Variants in CLSTN1 observed in about 807,000 individuals in gnomAD.
The protein encoded by CLSTN1 is calsyntenin-1.
Under a neutral mutation model 108.3 loss-of-function variants are expected in CLSTN1, and 28 were observed. That is an observed-to-expected ratio of 0.26 (90% confidence interval 0.19 to 0.35). CLSTN1 has a LOEUF of 0.35. Among genes scored for constraint, CLSTN1 ranks in the 10% least tolerant of loss-of-function variants. The probability of loss-of-function intolerance (pLI) is 1.00; values close to 1 mark genes in which losing one functional copy is unlikely to be tolerated. For synonymous variants in CLSTN1, 524 were observed against 534.9 expected, an observed-to-expected ratio of 0.98 and a Z score of 0.28; for missense variants, 1,157 against 1,302.6, an observed-to-expected ratio of 0.89 and a Z score of 1.72.
At chr1:9,736,802 G>A (rs1311916907) in intron 11 of CLSTN1, among the ~76,000 whole-genome samples, 1 of 152,146 alleles carries the variant, frequency 6.6e-6, no homozygotes, top group Non-Finnish European at 1.5e-5. Context: ...TGCCAGGCAT[G>A]GTGGCTCACG....
chr1:9,733,369 T>C (rs1184974055), intron 16 of CLSTN1, 32 bp downstream of exon 16: 5 of 1,612,986 alleles, frequency 3.1e-6, no homozygotes, highest in African/African-American at 2.7e-5. Context: ...ACTGCTGCTA[T>C]TGGCCCTGCT....
At chr1:9,753,841 C>A (rs555041485) in intron 4 of CLSTN1, among the ~76,000 whole-genome samples, 13 of 151,350 alleles carry the variant, frequency 8.6e-5, no homozygotes, top group African/African-American at 2.9e-4. Flanking sequence ...GGGACAGGGT[C>A]TCATTCTGAC....
Position 9,735,034 on chromosome 1 carries a change from C to G in CLSTN1, c.2024G>C (p.Gly675Ala). The change falls in exon 14 of 19, where the codon GGG becomes GCG. Residue 675 changes from glycine (G) to alanine (A), a missense_variant. Physicochemically the swap from Gly to Ala is moderately conservative, Grantham distance 60. Coordinates refer to ENST00000377298, the MANE Select transcript of CLSTN1 (RefSeq NM_001009566.3). Reference sequence around the variant, plus strand: ...GCGAAGCTCAGGGAAAAGGAACACCCCTTCTGAGCTTTCAAATTCAGAAGC... The same window carrying G: ...GCGAAGCTCAGGGAAAAGGAACACCGCTTCTGAGCTTTCAAATTCAGAAGC... ...RAASEFESSEGVFLFPELRII... is the reference protein window; with the variant it reads ...RAASEFESSEAVFLFPELRII... The G allele has an allele frequency of 6.2e-7, 1 of 1,614,228 alleles. No individual in the cohort carries two copies. The highest frequency in any genetic ancestry group is 8.5e-7 in the Non-Finnish European group (1 of 1,180,036).
intron 10 of CLSTN1, among the ~76,000 whole-genome samples, chr1:9,738,447 C>A (rs1336316751): frequency 1.3e-5 from 2 of 152,152 alleles, no homozygotes; most frequent in Non-Finnish European, 2.9e-5. Context: ...AGAGGTGTAT[C>A]CAGGTGAAGC....
chr1:9,755,229 C>T lies in CLSTN1; in HGVS notation c.325G>A (p.Val109Ile), dbSNP rs150592481. The change falls in exon 4 of 19, where the codon GTC becomes ATC. Residue 109 changes from valine to isoleucine, a missense_variant. By Grantham distance (29) the Val-to-Ile change is conservative (BLOSUM62 3). Coordinates refer to ENST00000377298, the MANE Select transcript of CLSTN1 (RefSeq NM_001009566.3). ...TCCAGTTTCTCTTTGGAGCGAATGA[C>T]TCCCTCACCAGTGGATTTATCCACT... is the stretch of plus-strand genomic sequence containing the variant. ...VVVDKSTGEG[V>I]IRSKEKLDCE... 326 of 1,614,134 alleles carry T rather than the reference C, an allele frequency of 2.0e-4. 1 individual carries two copies. The African/African-American group carries it at 3.9e-3, about 19-fold the overall frequency.
chr1:9,786,660 A>C (rs916226617), intron 1 of CLSTN1, among the ~76,000 whole-genome samples: 4 of 150,012 alleles, frequency 2.7e-5, no homozygotes, highest in African/African-American at 9.7e-5. Flanking sequence ...AAAAAAAAAA[A>C]AAAAAAAAAA....
At position 9,735,147 on chromosome 1, in the gene CLSTN1, C is replaced by A; in HGVS notation, c.1911G>T (p.Ser637=). Residue 637 remains serine (S), a synonymous_variant, in exon 14 of 19, where the codon TCG becomes TCT. Transcript: ENST00000377298. ...TCACGTAGCCATCTACCGGGGGGAC[C>A]GAAATGCAGGTGGCCTCGTTAAAAC... ...IKCFNEATCI[S]VPPVDGYVMV... 1 of 1,614,128 alleles carries A rather than the reference C, an allele frequency of 6.2e-7. No homozygotes were observed. Among genetic ancestry groups the A allele is most frequent in the Non-Finnish European group, 8.5e-7 (1 of 1,180,038 alleles).
chr1:9,730,616 G>A lies in CLSTN1; in HGVS notation c.2838C>T (p.Thr946=), dbSNP rs962728254. The change falls in exon 19 of 19, where the codon ACC becomes ACT. Residue 946 remains threonine, a synonymous_variant. Coordinates refer to ENST00000377298, the MANE Select transcript of CLSTN1 (RefSeq NM_001009566.3). This position sits in a 1 kb window ranked among gnomAD's most constrained non-coding sequence, Gnocchi z 5.6. ...CCTCGCTGCTCTCCGACTCGGCGCT[G>A]GTGATGTCATCCTCTTCTTCGCCGT... ...SEDGEEEDDI[T]SAESESSEEE... 6.2e-7 allele frequency: 1 copy of A among 1,610,452 alleles called. No homozygotes were observed. Among genetic ancestry groups the A allele is most frequent in the Non-Finnish European group, 8.5e-7 (1 of 1,179,874 alleles).
At chr1:9,775,625 T>C (rs1652903036) in intron 1 of CLSTN1, among the ~76,000 whole-genome samples, 1 of 152,128 alleles carries the variant, frequency 6.6e-6, no homozygotes, top group Non-Finnish European at 1.5e-5. Flanking sequence ...TTTCCTTTTA[T>C]GTTCACCTTA....
At chr1:9,761,686 C>A (rs984028555) in intron 2 of CLSTN1, among the ~76,000 whole-genome samples, 1 of 152,166 alleles carries the variant, frequency 6.6e-6, no homozygotes, top group Non-Finnish European at 1.5e-5. Flanking sequence ...CAGCTTTAGG[C>A]TGGCCCTGCT....
chr1:9,756,779 T>G (rs1057394965), intron 2 of CLSTN1, among the ~76,000 whole-genome samples: 2 of 151,692 alleles, frequency 1.3e-5, no homozygotes, highest in Non-Finnish European at 2.9e-5. Context: ...TCAGGGGTCA[T>G]TAGGATTTTT....
chr1:9,763,221 C>T (rs993745468), intron 2 of CLSTN1, among the ~76,000 whole-genome samples: 1 of 152,158 alleles, frequency 6.6e-6, no homozygotes, highest in African/African-American at 2.4e-5. Context: ...CTCGGCCTCC[C>T]AAAGTGCTGG....
At chr1:9,774,543 G>A (rs1051741302) in intron 1 of CLSTN1, among the ~76,000 whole-genome samples, 4 of 151,746 alleles carry the variant, frequency 2.6e-5, no homozygotes, top group African/African-American at 7.3e-5. Flanking sequence ...TCCAGACTGG[G>A]CGACAGAGTG....
intron 1 of CLSTN1, among the ~76,000 whole-genome samples, chr1:9,783,624 G>A (rs552959187): frequency 6.6e-6 from 1 of 152,092 alleles, no homozygotes; most frequent in East Asian, 1.9e-4. Flanking sequence ...GGGAGGCCGA[G>A]GCAGGTGGAT....
At chr1:9,781,339 G>A in intron 1 of CLSTN1, 1 of 522,564 alleles carries the variant, frequency 1.9e-6, no homozygotes, top group Non-Finnish European at 3.5e-6. Context: ...ATGCAGCAGT[G>A]TAGAAAAATT....
At chr1:9,822,908 G>T (rs528684495) in intron 1 of CLSTN1, among the ~76,000 whole-genome samples, 1 of 152,258 alleles carries the variant, frequency 6.6e-6, no homozygotes, top group South Asian at 2.1e-4. Flanking sequence ...ACAGCACCAA[G>T]GCACCAGGGG....
At chr1:9,807,644 G>A (rs1362366882) in intron 1 of CLSTN1, among the ~76,000 whole-genome samples, 2 of 152,206 alleles carry the variant, frequency 1.3e-5, no homozygotes, top group African/African-American at 4.8e-5. Context: ...CCTGAAAGGC[G>A]TGGCCACCGT....
At chr1:9,794,308 C>T (rs1326384961) in intron 1 of CLSTN1, among the ~76,000 whole-genome samples, 7 of 151,336 alleles carry the variant, frequency 4.6e-5, no homozygotes, top group Non-Finnish European at 1.5e-5. Flanking sequence ...TATTTTCATT[C>T]ACCAATTAAA....
chr1:9,741,838 G>A (rs2101090663), intron 9 of CLSTN1, among the ~76,000 whole-genome samples: 1 of 152,270 alleles, frequency 6.6e-6, no homozygotes, highest in Middle Eastern at 3.4e-3. Context: ...CTTGAACCCG[G>A]GAGGCAAAGG....
Sources: gnomAD v4.1 joint callset for allele counts (sites outside exome capture counted in the v4.1 genomes callset) on GRCh38, gnomAD v4.1.1 for gene constraint, Gnocchi (gnomAD v3.1) non-coding constraint, MANE v1.5 for transcripts, NCBI Gene and HGNC (gene_info 2026-07-23, HGNC 2026-07-21) for gene names.